Variants in GPC5 observed in about 807,000 individuals in gnomAD.
The protein encoded by GPC5 is glypican-5.
Under a neutral mutation model 53.9 loss-of-function variants are expected in GPC5, and 47 were observed. The observed-to-expected ratio is 0.87, with a 90% CI of 0.69 to 1.11. GPC5 has a LOEUF of 1.11. GPC5 is among the 50% of genes most tolerant of loss of function. The probability of loss-of-function intolerance (pLI) is 0.00; values close to 1 mark genes in which losing one functional copy is unlikely to be tolerated. For missense variants in GPC5, 748 were observed against 713.1 expected (o/e 1.05, Z -0.56); for synonymous variants, 286 against 263.3 (o/e 1.09, Z -0.84).
intron 7 of GPC5, among the ~76,000 whole-genome samples, chr13:92,796,124 G>A (rs571223558): frequency 2.6e-5 from 4 of 152,064 alleles, no homozygotes; most frequent in Non-Finnish European, 5.9e-5. Context: ...AATGTCCATC[G>A]ATGATAGACT....
At chr13:92,130,549 A>G (rs1463585062) in intron 6 of GPC5, among the ~76,000 whole-genome samples, 2 of 152,104 alleles carry the variant, frequency 1.3e-5, no homozygotes, top group African/African-American at 4.8e-5. Flanking sequence ...GAAATAATAC[A>G]AAAGAAAGAA....
At chr13:92,758,772 G>GT (rs1167997810) in intron 7 of GPC5, among the ~76,000 whole-genome samples, 17 of 152,140 alleles carry the variant, frequency 1.1e-4, no homozygotes, top group Non-Finnish European at 2.1e-4. Context: ...TGTTTCCTGA[G>GT]TTTTTTGTGT....
At chr13:92,319,093 T>C (rs1290639496) in intron 7 of GPC5, among the ~76,000 whole-genome samples, 1 of 151,994 alleles carries the variant, frequency 6.6e-6, no homozygotes, top group African/African-American at 2.4e-5. Flanking sequence ...GGATGAAGGG[T>C]GGAAACTGAA....
chr13:92,001,712 A>AT (rs1170118529), intron 6 of GPC5, among the ~76,000 whole-genome samples: 1 of 152,178 alleles, frequency 6.6e-6, no homozygotes, highest in Non-Finnish European at 1.5e-5. Flanking sequence ...ATTACATTTT[A>AT]TTTTTTGTGT....
At chr13:91,650,750 G>GTTTTGTTTTTTTTTTTTTTTTTTTTT (rs1555333961) in intron 2 of GPC5, among the ~76,000 whole-genome samples, 1 of 99,642 alleles carries the variant, frequency 1.0e-5, no homozygotes, top group African/African-American at 4.1e-5. Flanking sequence ...ATTCCCATAA[G>GTTTTGTTTTTTTTTTTTTTTTTTTTT]TTTTTTTTTT....
At chr13:91,797,913 A>G (rs1315490211) in intron 5 of GPC5, among the ~76,000 whole-genome samples, 1 of 152,122 alleles carries the variant, frequency 6.6e-6, no homozygotes, top group Non-Finnish European at 1.5e-5. Flanking sequence ...AGCTTTTGTA[A>G]ATATTTATAT....
intron 6 of GPC5, among the ~76,000 whole-genome samples, chr13:92,008,669 T>C (rs2040632892): frequency 6.6e-6 from 1 of 152,220 alleles, no homozygotes; most frequent in African/African-American, 2.4e-5. Flanking sequence ...GCAGTAATTC[T>C]TGTCTCCGTG....
At chr13:92,737,664 T>A (rs951115605) in intron 7 of GPC5, among the ~76,000 whole-genome samples, 5 of 151,954 alleles carry the variant, frequency 3.3e-5, no homozygotes, top group African/African-American at 1.2e-4. Context: ...TCAGTAATAC[T>A]CAAGAATAAA....
rs146302651 is a variant in GPC5 at position 92,275,708 on chromosome 13, G to A, written c.1561+130719G>A. Among the ~76,000 whole-genome samples the A allele has an allele frequency of 2.4e-3, 358 of 152,186 alleles. 2 individuals are homozygous for A. Among genetic ancestry groups the A allele is most frequent in the African/African-American group, 7.8e-3 (325 of 41,548 alleles). On this transcript the variant is annotated intron_variant, in intron 7 of 7. Transcript: ENST00000377067. ...ATAAATATACTTAATGATCCTTGCCGAATATATAGTACCTAATATTATAGG... is the reference window on the plus strand; with the variant it reads ...ATAAATATACTTAATGATCCTTGCCAAATATATAGTACCTAATATTATAGG...
At chr13:92,775,574 G>C (rs1875773359) in intron 7 of GPC5, among the ~76,000 whole-genome samples, 1 of 152,084 alleles carries the variant, frequency 6.6e-6, no homozygotes, top group Non-Finnish European at 1.5e-5. Context: ...GTAAATCCCT[G>C]ATTATCAACT....
At chr13:91,855,499 T>A (rs985421186) in intron 5 of GPC5, among the ~76,000 whole-genome samples, 6 of 151,604 alleles carry the variant, frequency 4.0e-5, no homozygotes, top group Non-Finnish European at 8.9e-5. Context: ...TGTACTTTCC[T>A]ACTGTGAAAA....
intron 1 of GPC5, among the ~76,000 whole-genome samples, chr13:91,435,771 C>T (rs1209916329): frequency 2.0e-5 from 3 of 152,148 alleles, no homozygotes; most frequent in Non-Finnish European, 4.4e-5. Flanking sequence ...GGTACCAGCT[C>T]CTCCTTGTTC....
At chr13:92,458,100 T>C (rs946890743) in intron 7 of GPC5, among the ~76,000 whole-genome samples, 1 of 152,130 alleles carries the variant, frequency 6.6e-6, no homozygotes, top group African/African-American at 2.4e-5. Flanking sequence ...TTGGAGCTTA[T>C]GTTTCTATAT....
chr13:92,632,461 CACATAT>C (rs1374287290), intron 7 of GPC5, among the ~76,000 whole-genome samples: 9 of 58,098 alleles, frequency 1.5e-4, no homozygotes, highest in South Asian at 1.6e-3. Flanking sequence ...GAAAATATTC[CACATAT>C]ATATATATAT....
chr13:92,698,419 T>C (rs1274689527), intron 7 of GPC5, among the ~76,000 whole-genome samples: 2 of 152,114 alleles, frequency 1.3e-5, no homozygotes, highest in African/African-American at 4.8e-5. Context: ...ATGCAGTGTT[T>C]GGTTTTTTGT....
At chr13:92,673,796 A>C (rs1886836792) in intron 7 of GPC5, among the ~76,000 whole-genome samples, 1 of 152,196 alleles carries the variant, frequency 6.6e-6, no homozygotes, top group Non-Finnish European at 1.5e-5. Flanking sequence ...AGCTTACAGA[A>C]CAGAAATCTT....
intron 7 of GPC5, among the ~76,000 whole-genome samples, chr13:92,194,020 A>G (rs188080539): frequency 1.3e-5 from 2 of 152,316 alleles, no homozygotes; most frequent in Admixed American, 1.3e-4. Flanking sequence ...AATAGCAGAA[A>G]CTCAACAGTA....
chr13:92,025,563 G>A (rs16946937), intron 6 of GPC5, among the ~76,000 whole-genome samples: 3 of 152,122 alleles, frequency 2.0e-5, no homozygotes, highest in Non-Finnish European at 4.4e-5. Context: ...CTTGCTGCAG[G>A]TCATGTAGTG....
In GPC5 at chr13:91,693,170, C is replaced by G. The variant is rs2035793061; in HGVS notation, c.326-17C>G. 6.3e-7 allele frequency: 1 copy of G among 1,583,780 alleles called. No individual in the cohort carries two copies. The highest frequency in any genetic ancestry group is 8.6e-7 in the Non-Finnish European group (1 of 1,156,702). ...AATACTAAACCTTCTCATGTTTTAC[C>G]TCTGCTTGTGTTACAGAAACCCTTG... On this transcript the variant is annotated splice_polypyrimidine_tract_variant and intron_variant, in intron 2 of 7. Coordinates refer to ENST00000377067, the MANE Select transcript of GPC5 (RefSeq NM_004466.6).
Sources: allele counts gnomAD v4.1 joint callset (sites outside exome capture counted in the v4.1 genomes callset), GRCh38; gene constraint gnomAD v4.1.1; transcripts MANE v1.5; gene names NCBI Gene and HGNC (gene_info 2026-07-23, HGNC 2026-07-21).